MYO1D: variants seen among roughly 807,000 people sequenced by gnomAD.
The protein encoded by MYO1D is myosin ID, also known as unconventional myosin-Id.
In MYO1D, 83 loss-of-function variants were observed where a neutral mutation model predicts 122.0. The observed-to-expected ratio is 0.68, with a 90% CI of 0.57 to 0.82. The LOEUF is 0.82. MYO1D is among the 40% of genes least tolerant of loss of function. The pLI is 0.00. For missense variants in MYO1D, 1,157 were observed against 1,269.5 expected, an observed-to-expected ratio of 0.91 and a Z score of 1.35; for synonymous variants, 464 against 446.9, an observed-to-expected ratio of 1.04 and a Z score of -0.48.
intron 15 of MYO1D, among the ~76,000 whole-genome samples, chr17:32,718,871 T>C (rs1467924036): frequency 1.3e-5 from 2 of 152,190 alleles, no homozygotes; most frequent in Non-Finnish European, 1.5e-5. Flanking sequence ...GTCCCGAGAC[T>C]TTCTATGTAA....
At chr17:32,720,172 T>C (rs931656658) in intron 15 of MYO1D, among the ~76,000 whole-genome samples, 4 of 152,328 alleles carry the variant, frequency 2.6e-5, no homozygotes, top group African/African-American at 9.6e-5. Flanking sequence ...TTAAAACAGA[T>C]GGAATTTAAA....
At chr17:32,762,046 T>G (rs1372117138) in intron 8 of MYO1D, among the ~76,000 whole-genome samples, 5 of 151,860 alleles carry the variant, frequency 3.3e-5, no homozygotes, top group African/African-American at 1.2e-4. Flanking sequence ...AAAGGAGAGG[T>G]ACATGGGGTC....
At position 32,532,438 on chromosome 17, in the gene MYO1D, G is replaced by C. The variant is rs187395697; in HGVS notation, c.2865-37523C>G. ...CTTAGTCGGGCGAATATTAAAAGTA[G>C]AAGAAGGGGCCGGACACAGTGGCTC... is the stretch of plus-strand genomic sequence containing the variant. On this transcript the variant is annotated intron_variant, in intron 21 of 21. Transcript: ENST00000318217. Among the ~76,000 whole-genome samples the C allele has an allele frequency of 8.5e-4, 130 of 152,296 alleles. 1 individual carries two copies. Among genetic ancestry groups the C allele is most frequent in the Admixed American group, 2.1e-3 (32 of 15,296 alleles).
At chr17:32,564,360 C>T (rs2087153111) in intron 21 of MYO1D, among the ~76,000 whole-genome samples, 1 of 152,196 alleles carries the variant, frequency 6.6e-6, no homozygotes, top group Admixed American at 6.5e-5. Context: ...GCTTCCTTCA[C>T]AGTGTCACCT....
chr17:32,828,236 GC>G (rs1196155297), intron 1 of MYO1D, among the ~76,000 whole-genome samples: 5 of 152,160 alleles, frequency 3.3e-5, no homozygotes, highest in African/African-American at 1.2e-4. Flanking sequence ...AAGACAGGAG[GC>G]CGGGCGCAGT....
At chr17:32,835,366 C>A (rs1310156349) in intron 1 of MYO1D, among the ~76,000 whole-genome samples, 1 of 152,176 alleles carries the variant, frequency 6.6e-6, no homozygotes, top group Non-Finnish European at 1.5e-5. Flanking sequence ...TGTCACAGCA[C>A]TGAAAAACAT....
chr17:32,543,061 C>T (rs572973713), intron 21 of MYO1D, among the ~76,000 whole-genome samples: 2,064 of 151,140 alleles, frequency 0.014, 42 homozygotes, highest in African/African-American at 0.047. Flanking sequence ...CCCGTCTCTA[C>T]TAAAAACACA....
intron 13 of MYO1D, among the ~76,000 whole-genome samples, chr17:32,744,614 C>A (rs1052660639): frequency 6.6e-5 from 10 of 152,214 alleles, no homozygotes; most frequent in African/African-American, 1.7e-4. Context: ...AGTTCTTTAA[C>A]CCATAGAAAG....
At chr17:32,603,587 G>A (rs185893252) in intron 21 of MYO1D, among the ~76,000 whole-genome samples, 1 of 147,864 alleles carries the variant, frequency 6.8e-6, no homozygotes, top group Admixed American at 6.8e-5. Flanking sequence ...GTGAAGTGGC[G>A]GGATCTTGGC....
At chr17:32,772,903 C>T in intron 4 of MYO1D, 61 bp from the exon 5 acceptor site, 3 of 1,399,368 alleles carry the variant, frequency 2.1e-6, no homozygotes, top group South Asian at 1.2e-5. Flanking sequence ...AAAACAGGAG[C>T]CACTTTCTTA....
intron 3 of MYO1D, among the ~76,000 whole-genome samples, chr17:32,778,086 A>C (rs1327142924): frequency 6.6e-6 from 1 of 152,188 alleles, no homozygotes; most frequent in Non-Finnish European, 1.5e-5. Context: ...GATGTGGTGC[A>C]AAGAGCAAGG....
chr17:32,617,603 G>A (rs1278849789), intron 20 of MYO1D, among the ~76,000 whole-genome samples: 3 of 151,992 alleles, frequency 2.0e-5, no homozygotes, highest in African/African-American at 7.2e-5. Context: ...ACCATGCCCG[G>A]GTAATTTTTA....
At chr17:32,806,724 G>A (rs748712143) in intron 1 of MYO1D, among the ~76,000 whole-genome samples, 42 of 152,252 alleles carry the variant, frequency 2.8e-4, no homozygotes, top group Middle Eastern at 3.4e-3. Flanking sequence ...TAAATCTTCC[G>A]AGTAAGGATT....
At chr17:32,577,728 T>C (rs1033462149) in intron 21 of MYO1D, among the ~76,000 whole-genome samples, 6 of 151,772 alleles carry the variant, frequency 4.0e-5, no homozygotes, top group African/African-American at 1.5e-4. Context: ...AAGATTCAGA[T>C]ACATATTTCT....
intron 21 of MYO1D, among the ~76,000 whole-genome samples, chr17:32,582,911 GT>G (rs994759939): frequency 4.1e-4 from 62 of 152,086 alleles, no homozygotes; most frequent in Middle Eastern, 3.4e-3. Context: ...ACAGATAATT[GT>G]TTTTTAAAAA....
At chr17:32,620,453 A>C (rs1314782674) in intron 20 of MYO1D, among the ~76,000 whole-genome samples, 1 of 152,142 alleles carries the variant, frequency 6.6e-6, no homozygotes, top group Non-Finnish European at 1.5e-5. Context: ...AAGAAAGAGC[A>C]GGCTCTTCTC....
rs755189217 is a variant in MYO1D at position 32,811,616 on chromosome 17, CTTTTTTTTTTTT to C, written c.96-30844_96-30833del. ...ACATTTATCTCCCAACCCTCACCCTCTTTTTTTTTTTTTTTTTTTTTTTTTTGCCAGGAGGGC... is the reference window on the plus strand; with the variant it reads ...ACATTTATCTCCCAACCCTCACCCTCTTTTTTTTTTTTTTGCCAGGAGGGC... On this transcript the variant is annotated intron_variant, in intron 1 of 21. Transcript: ENST00000318217. Among the ~76,000 whole-genome samples the C allele has an allele frequency of 5.6e-3, 321 of 57,538 alleles. 4 individuals are homozygous for C. Among genetic ancestry groups the C allele is most frequent in the African/African-American group, 0.016 (278 of 17,332 alleles). The allele number at this position is 57,538 out of a possible 152,430, so 37.7% of individuals were successfully genotyped here. A position where few individuals can be genotyped will look rare whatever the true frequency, so the allele number is the denominator to read the frequency against.
intron 1 of MYO1D, among the ~76,000 whole-genome samples, chr17:32,867,430 T>A (rs1047114877): frequency 6.6e-6 from 1 of 151,912 alleles, no homozygotes; most frequent in East Asian, 1.9e-4. Context: ...AATTAAGCTA[T>A]CCCTCAAAGA....
At chr17:32,631,989 C>T (rs957220628) in intron 20 of MYO1D, among the ~76,000 whole-genome samples, 3 of 152,168 alleles carry the variant, frequency 2.0e-5, no homozygotes, top group Non-Finnish European at 2.9e-5. Flanking sequence ...ACAGAATGCT[C>T]TTAAGTTAGG....
Sources: allele counts gnomAD v4.1 joint callset (sites outside exome capture counted in the v4.1 genomes callset), GRCh38; gene constraint gnomAD v4.1.1; transcripts MANE v1.5; gene names NCBI Gene and HGNC (gene_info 2026-07-23, HGNC 2026-07-21).